SEC14L6: variants seen among roughly 807,000 people sequenced by gnomAD.
SEC14L6 encodes SEC14-like protein 6.
SEC14L6 carries 40 observed loss-of-function variants against 54.1 expected under a neutral mutation model. The ratio of observed to expected loss-of-function variants is 0.74; its 90% CI spans 0.57 to 0.96. The LOEUF (loss-of-function observed/expected upper bound fraction) is 0.96. Ranked by LOEUF, SEC14L6 falls within the 40% of genes least tolerant of loss-of-function variation. The pLI is 0.00. For missense variants in SEC14L6, 471 were observed against 498.3 expected, an observed-to-expected ratio of 0.95 and a Z score of 0.52; for synonymous variants, 171 against 198.4, an observed-to-expected ratio of 0.86 and a Z score of 1.16.
intron 8 of SEC14L6, among the ~76,000 whole-genome samples, chr22:30,528,296 T>A (rs1244194213): frequency 1.3e-5 from 2 of 151,698 alleles, no homozygotes; most frequent in Non-Finnish European, 2.9e-5. Flanking sequence ...TAATTTTTTT[T>A]ATTTTTAGTA....
intron 1 of SEC14L6, chr22:30,543,283 T>C (rs1242027862): frequency 1.3e-6 from 2 of 1,583,736 alleles, no homozygotes; most frequent in East Asian, 2.2e-5. Context: ...GCGGGGGGAC[T>C]CTTTTCGTGG....
chr22:30,544,706 T>C (rs1376450020), intron 1 of SEC14L6, among the ~76,000 whole-genome samples: 1 of 152,096 alleles, frequency 6.6e-6, no homozygotes, highest in Non-Finnish European at 1.5e-5. Context: ...ACCCTCCGCT[T>C]CCTCAGGTCC....
chr22:30,538,869 G>T lies in SEC14L6; in HGVS notation c.88C>A (p.Leu30Met). The change falls in exon 2 of 12, where the codon CTG becomes ATG. Residue 30 changes from leucine (L) to methionine (M), a missense_variant. By Grantham distance (15) the Leu-to-Met change is conservative. Transcript: ENST00000402034. Reference sequence around the variant, plus strand: ...AGGAAGTAGTCATCAGGATTGGGCAGCGCAGATAGCACATCTTGGATGTTC... The same window carrying T: ...AGGAAGTAGTCATCAGGATTGGGCATCGCAGATAGCACATCTTGGATGTTC... The part of the protein sequence containing the change: ...RENIQDVLSA[L>M]PNPDDYFLLR... 6.4e-7 allele frequency: 1 copy of T among 1,556,828 alleles called. No individual in the cohort carries two copies. Among genetic ancestry groups the T allele is most frequent in the Non-Finnish European group, 8.7e-7 (1 of 1,149,656 alleles).
In SEC14L6 at chr22:30,543,002, G is replaced by A. The variant is rs1325143500; in HGVS notation, c.54+3627C>T. Reference sequence around the variant, plus strand: ...GGAGCAGGCACTGAGCTGTCTGTGCGTGCCAAACCCTCTGCCCCCGTGGTA... The same window carrying A: ...GGAGCAGGCACTGAGCTGTCTGTGCATGCCAAACCCTCTGCCCCCGTGGTA... On this transcript the variant is annotated intron_variant, in intron 1 of 11. Coordinates refer to ENST00000402034, the MANE Select transcript of SEC14L6 (RefSeq NM_001193336.4). 3.1e-6 allele frequency: 5 copies of A among 1,602,112 alleles called. No individual in the cohort carries two copies. The South Asian group carries it at 3.3e-5, about 11-fold the overall frequency.
chr22:30,534,973 T>A (rs1200662620), intron 2 of SEC14L6, among the ~76,000 whole-genome samples: 1 of 151,698 alleles, frequency 6.6e-6, no homozygotes, highest in African/African-American at 2.4e-5. Context: ...TGCAGTGACA[T>A]TGCTTGAGCC....
At chr22:30,539,614 G>C (rs2085664264) in intron 1 of SEC14L6, among the ~76,000 whole-genome samples, 1 of 152,248 alleles carries the variant, frequency 6.6e-6, no homozygotes, top group Admixed American at 6.5e-5. Flanking sequence ...GTGAGTGGCA[G>C]AGCCAGTTGC....
chr22:30,529,310 T>G lies in SEC14L6; in HGVS notation c.559A>C (p.Lys187Gln). 6.4e-7 allele frequency: 1 copy of G among 1,550,498 alleles called. No homozygotes were observed. The highest frequency in any genetic ancestry group is 8.7e-7 in the Non-Finnish European group (1 of 1,146,948). ...TCACCTCTCACAACAATTAAACTCT[T>G]CAAGATCTCAGGGTAATTTGCTTCA... ...ALEANYPEIL[K>Q]SLIVVRAPKL... is the part of the protein sequence containing the mutation. The change falls in exon 7 of 12, where the codon AAG becomes CAG. Residue 187 changes from lysine to glutamine, a missense_variant. By Grantham distance (53) the Lys-to-Gln change is moderately conservative. Transcript: ENST00000402034.
intron 6 of SEC14L6, 148 bp from the exon 7 acceptor site, chr22:30,529,497 G>A: frequency 1.5e-6 from 1 of 657,730 alleles, no homozygotes; most frequent in Non-Finnish European, 2.7e-6. Flanking sequence ...CCGATGCCCA[G>A]ACACCAAGAA....
intron 2 of SEC14L6, among the ~76,000 whole-genome samples, chr22:30,535,893 T>TG (rs1937126258): frequency 1.3e-5 from 2 of 148,652 alleles, no homozygotes; most frequent in African/African-American, 4.9e-5. Context: ...TTGTGTTTTT[T>TG]TTTTTTTTTT....
chr22:30,542,648 CAGG>C, intron 1 of SEC14L6: 2 of 1,550,518 alleles, frequency 1.3e-6, no homozygotes. Flanking sequence ...TGCGCCTGGT[CAGG>C]AGTGGCGGGT....
intron 1 of SEC14L6, among the ~76,000 whole-genome samples, chr22:30,539,649 T>C (rs556598489): frequency 5.3e-5 from 8 of 152,220 alleles, no homozygotes; most frequent in Non-Finnish European, 1.2e-4. Context: ...GCAATAAAGA[T>C]AATTGAGATC....
Position 30,532,301 on chromosome 22 carries a change from G to A in SEC14L6, c.423+224C>T, listed in dbSNP as rs187322858. 2.5e-4 allele frequency: 248 copies of A among 983,536 alleles called. No homozygotes were observed. The African/African-American group carries it at 4.1e-3, about 16-fold the overall frequency. 60.9% of individuals were successfully genotyped at this position (983,536 alleles called of 1,614,324 possible). A position where few individuals can be genotyped will look rare whatever the true frequency, so the allele number is the denominator to read the frequency against. On this transcript the variant is annotated intron_variant, in intron 5 of 11. Coordinates refer to ENST00000402034, the MANE Select transcript of SEC14L6 (RefSeq NM_001193336.4). ...CTGCAGAGGGCAGTGTGGCCCAGTGGATTGAGTGGGCTTTGGGGCCAATTG... is the reference window on the plus strand; with the variant it reads ...CTGCAGAGGGCAGTGTGGCCCAGTGAATTGAGTGGGCTTTGGGGCCAATTG...
intron 6 of SEC14L6, 69 bp from the exon 7 acceptor site, chr22:30,529,418 C>T: frequency 7.9e-7 from 1 of 1,260,792 alleles, no homozygotes; most frequent in Non-Finnish European, 1.1e-6. Context: ...CTCGCCCCAC[C>T]CTCCAGGACC....
At position 30,524,846 on chromosome 22, in the gene SEC14L6, G is replaced by C; in HGVS notation, c.*151C>G. 1 of 614,238 alleles carries C rather than the reference G, an allele frequency of 1.6e-6. No individual in the cohort carries two copies. Among genetic ancestry groups the C allele is most frequent in the Non-Finnish European group, 3.0e-6 (1 of 335,200 alleles). 38.0% of individuals were successfully genotyped at this position (614,238 alleles called of 1,614,324 possible). On this transcript the variant is annotated 3_prime_UTR_variant, in exon 12 of 12. Transcript: ENST00000402034. The stretch of plus-strand genomic sequence containing the variant: ...CTAGGACACTGTCCCAGCCGTTCCT[G>C]AGGAGTGGGCCAGCTGTGATGCATA...
intron 1 of SEC14L6, chr22:30,544,118 T>G (rs2085773079): frequency 3.7e-6 from 5 of 1,338,562 alleles, no homozygotes; most frequent in African/African-American, 1.4e-5. Flanking sequence ...CCCATCTCCA[T>G]GCTCTTCCTT....
At chr22:30,541,502 T>C (rs2085709970) in intron 1 of SEC14L6, among the ~76,000 whole-genome samples, 1 of 152,166 alleles carries the variant, frequency 6.6e-6, no homozygotes, top group East Asian at 1.9e-4. Flanking sequence ...CTACTAAAAA[T>C]ACAAAGATTA....
rs566263744 is a variant in SEC14L6 at position 30,526,204 on chromosome 22, C to T, written c.665-272G>A. On this transcript the variant is annotated intron_variant, in intron 8 of 11. Coordinates refer to ENST00000402034, the MANE Select transcript of SEC14L6 (RefSeq NM_001193336.4). ...TGCAGGCCCTGCCCCCACATCTGTC[C>T]AGGTATTGGCCCATTGGCCACGTTC... Among the ~76,000 whole-genome samples, 59 of 152,350 alleles carry T rather than the reference C, an allele frequency of 3.9e-4. 1 individual carries two copies. The highest frequency in any genetic ancestry group is 6.2e-4 in the Non-Finnish European group (42 of 68,034).
At chr22:30,543,979 G>A in intron 1 of SEC14L6, 1 of 1,603,996 alleles carries the variant, frequency 6.2e-7, no homozygotes. Flanking sequence ...CCTCACCTAT[G>A]CTGACCTGGA....
rs1936877259 is a variant in SEC14L6 at position 30,529,087 on chromosome 22, C to T, written c.664G>A (p.Asp222Asn). The T allele has an allele frequency of 1.9e-6, 3 of 1,550,532 alleles. No individual in the cohort carries two copies. Among genetic ancestry groups the T allele is most frequent in the Admixed American group, 3.9e-5 (2 of 50,990 alleles). Reference sequence around the variant, plus strand: ...AAGAGGCCGCAGAGGGCTCACTCACCTCCGAGAATCACCACCTTCCTGCGT... The same window carrying T: ...AAGAGGCCGCAGAGGGCTCACTCACTTCCGAGAATCACCACCTTCCTGCGT... Reference protein sequence around the residue: ...ETRRKVVILGDNWKQELTKFI... With the variant: ...ETRRKVVILGNNWKQELTKFI... The change falls in exon 8 of 12, where the codon GAC becomes AAC. Residue 222 changes from aspartate (D) to asparagine (N), a missense_variant and splice_region_variant. Asp to Asn is a conservative substitution (Grantham distance 23). Coordinates refer to ENST00000402034, the MANE Select transcript of SEC14L6 (RefSeq NM_001193336.4).
Sources: allele counts gnomAD v4.1 joint callset (sites outside exome capture counted in the v4.1 genomes callset), GRCh38; gene constraint gnomAD v4.1.1; transcripts MANE v1.5; gene names NCBI Gene and HGNC (gene_info 2026-07-23, HGNC 2026-07-21).